The following ALS2 variants were observed in gnomAD, a reference collection of about 807,000 sequenced individuals.
The protein encoded by ALS2 is alsin Rho guanine nucleotide exchange factor ALS2, also known as alsin.
A neutral mutation model predicts 203.4 loss-of-function variants in ALS2; 117 were observed. That is an observed-to-expected ratio of 0.58 (90% CI 0.50 to 0.67). The LOEUF (loss-of-function observed/expected upper bound fraction) is 0.67. ALS2 is among the 30% of genes least tolerant of loss of function. The pLI is 0.00. For synonymous variants in ALS2, 718 were observed against 725.9 expected, an observed-to-expected ratio of 0.99 and a Z score of 0.17; for missense variants, 1,715 against 1,989.4, an observed-to-expected ratio of 0.86 and a Z score of 2.62.
chr2:201,766,508 G>T (rs1019339421), intron 3 of ALS2, among the ~76,000 whole-genome samples: 1 of 151,692 alleles, frequency 6.6e-6, no homozygotes, highest in African/African-American at 2.4e-5. Flanking sequence ...AATTAGCTGG[G>T]CATGGTGGTG....
rs1689580631 is a variant in ALS2, at chr2:201,704,484, G to A, written c.4808C>T (p.Pro1603Leu). The A allele has an allele frequency of 6.2e-7, 1 of 1,613,920 alleles. No homozygotes were observed. The highest frequency in any genetic ancestry group is 8.5e-7 in the Non-Finnish European group (1 of 1,179,996). The part of the protein sequence containing the change: ...DFLWSMDDLF[P>L]VFLYVVLRAR... The stretch of plus-strand genomic sequence containing the variant: ...CCGTAGCACCACATATAAGAAAACA[G>A]GAAACAAGTCATCCATGGACCACAA... Residue 1603 changes from proline (P) to leucine (L), a missense_variant, in exon 32 of 34, where the codon CCT becomes CTT. Pro to Leu is a moderately conservative substitution (Grantham distance 98). Around this residue, in one of 3 missense-constraint regions of ALS2, gnomAD observed 1,227 missense variants for 1,413.5 expected, o/e 0.87. Coordinates refer to ENST00000264276, the MANE Select transcript of ALS2 (RefSeq NM_020919.4).
At chr2:201,743,869 A>G (rs1692456877) in intron 10 of ALS2, among the ~76,000 whole-genome samples, 1 of 152,238 alleles carries the variant, frequency 6.6e-6, no homozygotes, top group African/African-American at 2.4e-5. Flanking sequence ...TCTAAGAACT[A>G]TAATGAGGAA....
intron 8 of ALS2, 136 bp from the exon 9 acceptor site, chr2:201,746,884 C>A (rs1404492046): frequency 2.2e-6 from 2 of 906,618 alleles, no homozygotes; most frequent in African/African-American, 1.6e-5. Flanking sequence ...ACTTACCCAG[C>A]AATTTGCCCA....
chr2:201,742,071 T>C (rs906311324), intron 10 of ALS2, among the ~76,000 whole-genome samples: 2 of 152,120 alleles, frequency 1.3e-5, no homozygotes, highest in Non-Finnish European at 2.9e-5. Context: ...AGGAACCTTA[T>C]AGATTCCAGG....
chr2:201,730,740 C>CT (rs1691502228), intron 13 of ALS2, among the ~76,000 whole-genome samples: 1 of 152,222 alleles, frequency 6.6e-6, no homozygotes, highest in African/African-American at 2.4e-5. Flanking sequence ...AGCAGAGCTG[C>CT]TTTACATGTA....
At chr2:201,778,255 GAATT>G (rs1694742756) in intron 1 of ALS2, among the ~76,000 whole-genome samples, 1 of 152,112 alleles carries the variant, frequency 6.6e-6, no homozygotes, top group Non-Finnish European at 1.5e-5. Context: ...TCAATTTGTG[GAATT>G]AATGAGATGA....
intron 6 of ALS2, among the ~76,000 whole-genome samples, chr2:201,753,547 G>T (rs533579080): frequency 6.6e-6 from 1 of 152,098 alleles, no homozygotes; most frequent in South Asian, 2.1e-4. Context: ...AACCACAGAA[G>T]GAAGGTAATT....
chr2:201,753,977 G>A (rs1349461589), intron 6 of ALS2, among the ~76,000 whole-genome samples: 1 of 151,516 alleles, frequency 6.6e-6, no homozygotes, highest in African/African-American at 2.4e-5. Flanking sequence ...AGCGCACCAT[G>A]GATACTTAAG....
At chr2:201,760,838 T>C (rs763518739) in intron 4 of ALS2, 43 bp downstream of exon 4, 32 of 1,579,470 alleles carry the variant, frequency 2.0e-5, no homozygotes, top group Non-Finnish European at 2.4e-5. Flanking sequence ...CCCATACAGT[T>C]CAACTCTAGA....
intron 5 of ALS2, 22 bp downstream of exon 5, chr2:201,757,380 C>T: frequency 6.2e-7 from 1 of 1,603,510 alleles, no homozygotes; most frequent in East Asian, 2.2e-5. Flanking sequence ...AGTCAATTCA[C>T]AAAACCTAGT....
chr2:201,775,518 T>G (rs903288504), intron 1 of ALS2, among the ~76,000 whole-genome samples: 1 of 152,180 alleles, frequency 6.6e-6, no homozygotes, highest in Non-Finnish European at 1.5e-5. Context: ...ATGGTAACCT[T>G]TGACTCAAAC....
intron 1 of ALS2, among the ~76,000 whole-genome samples, chr2:201,777,968 T>C (rs570743270): frequency 3.3e-5 from 5 of 152,308 alleles, no homozygotes; most frequent in Non-Finnish European, 5.9e-5. Flanking sequence ...TACAGTTGGA[T>C]TGCTCTACTT....
intron 31 of ALS2, 141 bp downstream of exon 31, chr2:201,704,998 A>G (rs1460810401): frequency 7.9e-6 from 7 of 881,814 alleles, no homozygotes; most frequent in Non-Finnish European, 1.3e-5. Context: ...CTGATTTCTG[A>G]TTTCCAGATT....
intron 31 of ALS2, 116 bp downstream of exon 31, chr2:201,705,023 C>G: frequency 1.0e-6 from 1 of 997,492 alleles, no homozygotes; most frequent in African/African-American, 1.6e-5. Flanking sequence ...TTGACACCAT[C>G]AGCATATAGA....
rs758464888 is a variant in ALS2 at position 201,753,327 on chromosome 2, G to C, written c.1641-85C>G. ...TTCTCAAATTATAAAGTGCTGTCGT[G>C]TAAAAATAAACATTTCTAAAGAAAA... On this transcript the variant is annotated intron_variant, in intron 6 of 33. Coordinates refer to ENST00000264276, the MANE Select transcript of ALS2 (RefSeq NM_020919.4). The C allele has an allele frequency of 2.5e-5, 27 of 1,090,612 alleles. 1 individual carries two copies. The highest frequency in any genetic ancestry group is 3.8e-5 in the Non-Finnish European group (27 of 708,182). The allele number at this position is 1,090,612 out of a possible 1,614,324, so 67.6% of individuals were successfully genotyped here. A position where few individuals can be genotyped will look rare whatever the true frequency, so the allele number is the denominator to read the frequency against.
intron 1 of ALS2, among the ~76,000 whole-genome samples, chr2:201,777,938 T>C (rs1694730601): frequency 6.6e-6 from 1 of 152,188 alleles, no homozygotes; most frequent in African/African-American, 2.4e-5. Context: ...AACCAGTTTA[T>C]CCATTTCCCC....
chr2:201,761,504 C>A lies in ALS2; in HGVS notation c.490G>T (p.Ala164Ser), dbSNP rs946099541. The A allele has an allele frequency of 6.2e-7, 1 of 1,613,158 alleles. No individual in the cohort carries two copies. The highest frequency in any genetic ancestry group is 8.5e-7 in the Non-Finnish European group (1 of 1,179,138). Residue 164 changes from alanine (A) to serine (S), a missense_variant, in exon 4 of 34, where the codon GCA becomes TCA. By Grantham distance (99) the Ala-to-Ser change is moderately conservative. Coordinates refer to ENST00000264276, the MANE Select transcript of ALS2 (RefSeq NM_020919.4). ...QLACGEEHTL[A>S]LSISREIWAW... ...CAAATCTCTCTGCTTATTGACAATG[C>A]CAGAGTGTGCTCCTCGCCACACGCC... is the stretch of plus-strand genomic sequence containing the variant.
chr2:201,716,919 A>G (rs887192932), intron 24 of ALS2, among the ~76,000 whole-genome samples: 14 of 152,102 alleles, frequency 9.2e-5, no homozygotes, highest in African/African-American at 3.4e-4. Flanking sequence ...AAATATAATA[A>G]TAAAATTAAA....
intron 27 of ALS2, among the ~76,000 whole-genome samples, chr2:201,708,482 T>C (rs1031132708): frequency 6.6e-6 from 1 of 152,236 alleles, no homozygotes; most frequent in African/African-American, 2.4e-5. Context: ...TCTGGGCTTC[T>C]GGTGTACCCA....
Sources: gnomAD v4.1 joint callset for allele counts (sites outside exome capture counted in the v4.1 genomes callset) on GRCh38, gnomAD v4.1.1 for gene constraint, gnomAD v4.1.1 regional missense constraint, MANE v1.5 for transcripts, NCBI Gene and HGNC (gene_info 2026-07-23, HGNC 2026-07-21) for gene names.